The following UBR3 variants were observed in gnomAD, a reference collection of about 807,000 sequenced individuals.
UBR3 encodes E3 ubiquitin-protein ligase UBR3.
Under a neutral mutation model 243.2 loss-of-function variants are expected in UBR3, and 85 were observed. The observed-to-expected ratio is 0.35, with a 90% confidence interval of 0.29 to 0.42. The LOEUF is 0.42. Among genes scored for constraint, UBR3 ranks in the 10% least tolerant of loss-of-function variants. UBR3 has a pLI of 1.00. For synonymous variants in UBR3, 748 were observed against 799.8 expected, an observed-to-expected ratio of 0.94 and a Z score of 1.09; for missense variants, 1,686 against 2,300.8, an observed-to-expected ratio of 0.73 and a Z score of 5.47.
intron 25 of UBR3, among the ~76,000 whole-genome samples, chr2:169,994,110 A>G (rs1299595948): frequency 1.3e-5 from 2 of 152,186 alleles, no homozygotes; most frequent in African/African-American, 4.8e-5. Flanking sequence ...ATCATAGTTC[A>G]GTGTTAATTT....
rs1265874276 is a variant in UBR3 at position 169,949,938 on chromosome 2, C to A, written c.3418C>A (p.Leu1140Ile). ...TATAACTGCCGTGGAAAGAATTTTACTAAAAGCTGCATCGCAAAGTAGAAT... is the reference window on the plus strand; with the variant it reads ...TATAACTGCCGTGGAAAGAATTTTAATAAAAGCTGCATCGCAAAGTAGAAT... ...DGITAVERIL[L>I]KAASQSRMNK... Residue 1140 changes from leucine to isoleucine, a missense_variant, in exon 23 of 39, where the codon CTA (leucine) becomes ATA (isoleucine). This residue lies in a region of UBR3 where 300 missense variants were observed against 314.4 expected (regional missense o/e 0.95). Transcript: ENST00000272793. 1.9e-6 allele frequency: 3 copies of A among 1,613,666 alleles called. No homozygotes were observed. The highest frequency in any genetic ancestry group is 2.5e-6 in the Non-Finnish European group (3 of 1,179,766).
intron 27 of UBR3, 29 bp downstream of exon 27, chr2:170,001,443 G>T: frequency 1.5e-6 from 2 of 1,371,858 alleles, no homozygotes; most frequent in African/African-American, 1.4e-5. Flanking sequence ...TTTTTTAAAG[G>T]TGCATGTATC....
Position 169,845,533 on chromosome 2 carries a change from CTTCTTCTTCTTCTTCTTCT to C in UBR3, c.545+17509_545+17527del, listed in dbSNP as rs1349567506. Among the ~76,000 whole-genome samples the C allele has an allele frequency of 1.3e-4, 16 of 125,070 alleles. No individual in the cohort carries two copies. In the East Asian group the frequency reaches 1.7e-3, roughly 14 times the overall value. 82.1% of individuals were successfully genotyped at this position (125,070 alleles called of 152,430 possible). A position where few individuals can be genotyped will look rare whatever the true frequency, so the allele number is the denominator to read the frequency against. On this transcript the variant is annotated intron_variant, in intron 1 of 38. Coordinates refer to ENST00000272793, the MANE Select transcript of UBR3 (RefSeq NM_172070.4). ...TCGTCGTCGTCGTCGTCGTCGTCGT[CTTCTTCTTCTTCTTCTTCT>C]TTCTTCTTCTTCTTCTTCTTTCTTC...
intron 24 of UBR3, among the ~76,000 whole-genome samples, chr2:169,974,963 T>C (rs2088357849): frequency 6.6e-6 from 1 of 152,132 alleles, no homozygotes; most frequent in East Asian, 1.9e-4. Context: ...GGTGGATTGC[T>C]TTAGTCCAGG....
intron 1 of UBR3, among the ~76,000 whole-genome samples, chr2:169,834,554 A>C (rs372900890): frequency 4.5e-4 from 68 of 152,368 alleles, no homozygotes; most frequent in African/African-American, 1.6e-3. Flanking sequence ...ATATTCTGGC[A>C]GTATATATGG....
intron 20 of UBR3, among the ~76,000 whole-genome samples, chr2:169,945,071 T>C (rs938673970): frequency 6.6e-6 from 1 of 152,130 alleles, no homozygotes; most frequent in East Asian, 1.9e-4. Context: ...ACAAAGCAAA[T>C]GACAGATATT....
intron 31 of UBR3, among the ~76,000 whole-genome samples, chr2:170,035,262 C>G (rs1022494185): frequency 2.6e-5 from 4 of 151,916 alleles, no homozygotes; most frequent in Non-Finnish European, 5.9e-5. Context: ...CCAAGGTTAT[C>G]TAGGTTTTCT....
At chr2:169,915,566 A>C (rs2085431774) in intron 11 of UBR3, among the ~76,000 whole-genome samples, 1 of 152,098 alleles carries the variant, frequency 6.6e-6, no homozygotes, top group Non-Finnish European at 1.5e-5. Context: ...AATGCCTCTC[A>C]ATTTGGGTTT....
At chr2:169,918,951 C>T (rs1163435886) in intron 11 of UBR3, among the ~76,000 whole-genome samples, 1 of 152,092 alleles carries the variant, frequency 6.6e-6, no homozygotes, top group African/African-American at 2.4e-5. Flanking sequence ...AAGTTGTGAC[C>T]AGGTGCTATG....
chr2:169,929,167 A>G (rs915225434), intron 18 of UBR3, among the ~76,000 whole-genome samples: 2 of 152,212 alleles, frequency 1.3e-5, no homozygotes, highest in East Asian at 3.8e-4. Flanking sequence ...ACCAGAAACT[A>G]TAAAACAAAA....
intron 24 of UBR3, among the ~76,000 whole-genome samples, chr2:169,980,219 G>T (rs1361731757): frequency 2.0e-5 from 3 of 152,196 alleles, no homozygotes; most frequent in Admixed American, 1.3e-4. Context: ...GGAGTAAGAA[G>T]TTACAGATAA....
At chr2:170,022,185 G>T (rs1009876023) in intron 30 of UBR3, among the ~76,000 whole-genome samples, 1 of 152,104 alleles carries the variant, frequency 6.6e-6, no homozygotes, top group African/African-American at 2.4e-5. Context: ...AAAAGGGGAG[G>T]CTTCTAGTCC....
At chr2:169,837,970 A>T (rs2082162326) in intron 1 of UBR3, among the ~76,000 whole-genome samples, 1 of 152,214 alleles carries the variant, frequency 6.6e-6, no homozygotes, top group South Asian at 2.1e-4. Flanking sequence ...TTATAACAAT[A>T]CCATACTACT....
intron 13 of UBR3, 52 bp from the exon 14 acceptor site, chr2:169,925,567 T>G (rs1282376651): frequency 5.5e-6 from 8 of 1,458,020 alleles, no homozygotes; most frequent in Non-Finnish European, 6.5e-6. Context: ...TATAATATTT[T>G]GTAAAGATTG....
rs369490791 is a variant in UBR3 at position 169,974,661 on chromosome 2, CA to C, written c.3635-11983del. ...TTTTAACTCTCAATTTTATTTATTT[CA>C]GCTCTGATCTTTATTATTTCCTTCC... On this transcript the variant is annotated intron_variant, in intron 24 of 38. Transcript: ENST00000272793. Among the ~76,000 whole-genome samples the C allele has an allele frequency of 3.9e-5, 6 of 152,086 alleles. No homozygotes were observed. In the East Asian group the frequency reaches 9.6e-4, roughly 24 times the overall value.
chr2:169,943,795 A>G lies in UBR3; in HGVS notation c.2805+1161A>G, dbSNP rs538526099. Among the ~76,000 whole-genome samples, 311 of 152,320 alleles carry G rather than the reference A, an allele frequency of 2.0e-3. 1 individual carries two copies. The highest frequency in any genetic ancestry group is 6.9e-3 in the African/African-American group (285 of 41,582). ...AGAATATTTGTTATACAAATTTCCA[A>G]TTACTATGTACAATCATTTAACACA... On this transcript the variant is annotated intron_variant, in intron 20 of 38. Coordinates refer to ENST00000272793, the MANE Select transcript of UBR3 (RefSeq NM_172070.4).
chr2:170,015,973 A>T (rs2090223933), intron 30 of UBR3, among the ~76,000 whole-genome samples: 1 of 151,888 alleles, frequency 6.6e-6, no homozygotes, highest in Admixed American at 6.6e-5. Flanking sequence ...TGTGCATAGT[A>T]GGAATAATAT....
intron 23 of UBR3, among the ~76,000 whole-genome samples, 182 bp downstream of exon 23, chr2:169,950,247 G>T (rs1386254695): frequency 6.6e-6 from 1 of 152,018 alleles, no homozygotes; most frequent in Admixed American, 6.6e-5. Flanking sequence ...TGAGTTTATT[G>T]ATGGACAGGT....
intron 32 of UBR3, among the ~76,000 whole-genome samples, chr2:170,045,749 C>A (rs1455253670): frequency 1.3e-5 from 2 of 152,110 alleles, no homozygotes; most frequent in East Asian, 3.9e-4. Flanking sequence ...TTTATACCCT[C>A]ACTTATTCCC....
Sources: allele counts gnomAD v4.1 joint callset (sites outside exome capture counted in the v4.1 genomes callset), GRCh38; gene constraint gnomAD v4.1.1; regional missense constraint gnomAD v4.1.1; transcripts MANE v1.5; gene names NCBI Gene and HGNC (gene_info 2026-07-23, HGNC 2026-07-21).